Variants in PDE1C observed in about 807,000 individuals in gnomAD.
PDE1C encodes the protein dual specificity calcium/calmodulin-dependent 3',5'-cyclic nucleotide phosphodiesterase 1C.
PDE1C carries 62 observed loss-of-function variants against 93.1 expected under a neutral mutation model. The observed-to-expected ratio is 0.67, with a 90% CI of 0.54 to 0.82. The LOEUF (loss-of-function observed/expected upper bound fraction) is 0.82. PDE1C is among the 40% of genes least tolerant of loss of function. PDE1C has a pLI of 0.00. For synonymous variants in PDE1C, 325 were observed against 310.1 expected (o/e 1.05, Z -0.50); for missense variants, 742 against 884.6 (o/e 0.84, Z 2.04).
chr7:31,651,364 G>T, the PDE1C span: 4 of 1,362,156 alleles, frequency 2.9e-6, no homozygotes, highest in Non-Finnish European at 3.9e-6. Flanking sequence ...CCCTGGAGCA[G>T]AGCTAATGAG....
At chr7:32,319,889 T>A (rs930046470) in intron 1 of PDE1C, among the ~76,000 whole-genome samples, 3 of 152,226 alleles carry the variant, frequency 2.0e-5, no homozygotes, top group Non-Finnish European at 4.4e-5. Context: ...CTGTTTTGTA[T>A]AGTTTTTATG....
intron 3 of PDE1C, among the ~76,000 whole-genome samples, chr7:32,086,842 C>A (rs1584735754): frequency 6.6e-6 from 1 of 152,034 alleles, no homozygotes; most frequent in Non-Finnish European, 1.5e-5. Context: ...GCACCTTATA[C>A]AAAAATTAAT....
intron 1 of PDE1C, among the ~76,000 whole-genome samples, chr7:32,357,204 G>T (rs925636516): frequency 6.6e-6 from 1 of 152,024 alleles, no homozygotes; most frequent in African/African-American, 2.4e-5. Context: ...CATGGTGGCA[G>T]GTGCCTGTAG....
intron 2 of PDE1C, among the ~76,000 whole-genome samples, chr7:31,908,272 C>A (rs777989985): frequency 1.3e-5 from 2 of 152,058 alleles, no homozygotes; most frequent in Non-Finnish European, 1.5e-5. Context: ...ATAGTGTTTT[C>A]TTTTTTAAAT....
chr7:32,023,313 G>A (rs1450529329), intron 2 of PDE1C, among the ~76,000 whole-genome samples: 1 of 152,086 alleles, frequency 6.6e-6, no homozygotes, highest in Non-Finnish European at 1.5e-5. Flanking sequence ...CATACTTGCT[G>A]AAAAACAACC....
the PDE1C span, among the ~76,000 whole-genome samples, chr7:31,731,291 G>A: frequency 5.3e-5 from 8 of 152,030 alleles, no homozygotes; most frequent in Non-Finnish European, 1.5e-5. Context: ...AGGATCAACT[G>A]GCCCGTTCAT....
chr7:32,282,918 A>G (rs1235477693), intron 1 of PDE1C, among the ~76,000 whole-genome samples: 1 of 152,166 alleles, frequency 6.6e-6, no homozygotes, highest in African/African-American at 2.4e-5. Context: ...TGGCTCTTTA[A>G]AGGTTAAAAT....
At chr7:32,216,712 G>A (rs1223061040) in intron 1 of PDE1C, among the ~76,000 whole-genome samples, 1 of 152,188 alleles carries the variant, frequency 6.6e-6, no homozygotes, top group Admixed American at 6.5e-5. Context: ...CTGTCCTTGA[G>A]TGCAGAAAGA....
chr7:32,403,027 G>A (rs544883938), intron 1 of PDE1C, among the ~76,000 whole-genome samples: 171 of 152,188 alleles, frequency 1.1e-3, no homozygotes, highest in African/African-American at 3.9e-3. Context: ...TGTGGGGTGC[G>A]CCCACCCGAA....
intron 2 of PDE1C, among the ~76,000 whole-genome samples, chr7:31,904,805 A>C (rs900807212): frequency 6.6e-6 from 1 of 152,138 alleles, no homozygotes; most frequent in Non-Finnish European, 1.5e-5. Flanking sequence ...AAAGGTTTGG[A>C]TCCTCTGTCA....
In PDE1C at chr7:31,824,984, A is replaced by G; in HGVS notation, c.1289T>C (p.Phe430Ser). Residue 430 changes from phenylalanine (F) to serine (S), a missense_variant, in exon 13 of 18, where the codon TTC becomes TCC. Phe to Ser is a radical substitution (Grantham distance 155). Coordinates refer to ENST00000396191, the MANE Select transcript of PDE1C (RefSeq NM_001191057.4). ...GGTGGGTTCCACGATGAAATCAATG[A>G]AACCTGAAGAGAAACAGCAATGCTT... ...STMVAQSQVG[F>S]IDFIVEPTFT... The G allele has an allele frequency of 6.2e-7, 1 of 1,613,190 alleles. No individual in the cohort carries two copies. The highest frequency in any genetic ancestry group is 8.5e-7 in the Non-Finnish European group (1 of 1,179,380).
the PDE1C span, among the ~76,000 whole-genome samples, chr7:31,734,611 A>C: frequency 6.6e-5 from 10 of 152,300 alleles, no homozygotes; most frequent in South Asian, 2.1e-3. Context: ...TGATGATGTC[A>C]TATCAAGCTG....
chr7:31,988,009 G>A (rs1314234268), intron 2 of PDE1C, among the ~76,000 whole-genome samples: 1 of 152,216 alleles, frequency 6.6e-6, no homozygotes, highest in African/African-American at 2.4e-5. Flanking sequence ...CAGCAGATCA[G>A]AAAGTAGAAA....
intron 17 of PDE1C, among the ~76,000 whole-genome samples, chr7:31,764,657 A>ATT (rs1795031968): frequency 6.6e-6 from 1 of 152,204 alleles, no homozygotes; most frequent in South Asian, 2.1e-4. Flanking sequence ...TGAGTCACTC[A>ATT]TTGGAAGCCA....
chr7:32,018,485 G>A (rs1788213096), intron 2 of PDE1C, among the ~76,000 whole-genome samples: 1 of 152,162 alleles, frequency 6.6e-6, no homozygotes, highest in African/African-American at 2.4e-5. Flanking sequence ...TTATTTGGTG[G>A]TAAAAAGGAG....
intron 1 of PDE1C, among the ~76,000 whole-genome samples, chr7:32,272,964 T>G (rs1027792288): frequency 1.2e-4 from 19 of 152,226 alleles, no homozygotes; most frequent in African/African-American, 4.6e-4. Flanking sequence ...TTATTAAGCA[T>G]CTACCATATG....
At chr7:31,853,333 A>C (rs1213142526) in intron 7 of PDE1C, among the ~76,000 whole-genome samples, 2 of 152,200 alleles carry the variant, frequency 1.3e-5, no homozygotes, top group African/African-American at 4.8e-5. Flanking sequence ...GATAAGAAGA[A>C]AGAAAAGTAG....
At chr7:32,396,525 G>C (rs529457104) in intron 1 of PDE1C, among the ~76,000 whole-genome samples, 6 of 138,922 alleles carry the variant, frequency 4.3e-5, no homozygotes, top group African/African-American at 1.9e-4. Context: ...TGAAGTATGG[G>C]GGGGGGGAGT....
chr7:31,974,191 C>T (rs558884643), intron 2 of PDE1C, among the ~76,000 whole-genome samples: 26 of 152,216 alleles, frequency 1.7e-4, no homozygotes, highest in African/African-American at 6.3e-4. Flanking sequence ...AATATCAATG[C>T]TGATGTCATT....
Sources: gnomAD v4.1 joint callset for allele counts (sites outside exome capture counted in the v4.1 genomes callset) on GRCh38, gnomAD v4.1.1 for gene constraint, MANE v1.5 for transcripts, NCBI Gene and HGNC (gene_info 2026-07-23, HGNC 2026-07-21) for gene names.